FGF6: variants seen among roughly 807,000 people sequenced by gnomAD.
FGF6 encodes FGF-6.
FGF6 carries 14 observed loss-of-function variants against 18.4 expected under a neutral mutation model. The ratio of observed to expected loss-of-function variants is 0.76; its 90% CI spans 0.50 to 1.19. The LOEUF (loss-of-function observed/expected upper bound fraction) is 1.19. Ranked by LOEUF, FGF6 falls within the 50% of genes most tolerant of loss-of-function variation. The pLI, the probability that FGF6 is intolerant of heterozygous loss-of-function variation, is 0.00. For synonymous variants in FGF6, 125 were observed against 116.7 expected (o/e 1.07, Z -0.46); for missense variants, 266 against 271.6 (o/e 0.98, Z 0.15).
rs762223929 is a variant in FGF6 at position 4,444,148 on chromosome 12, T to G, written c.435A>C (p.Gly145=). Residue 145 remains glycine (G), a synonymous_variant, in exon 2 of 3, where the codon GGA becomes GGC. Coordinates refer to ENST00000228837, the MANE Select transcript of FGF6 (RefSeq NM_020996.3). ...SALFVAMNSK[G]RLYATPSFQE... ...GTGAACTCACCGTTGCGTACAATCT[T>G]CCTTTACTGTTCATGGCAACGAAGA... 5 of 1,612,406 alleles carry G rather than the reference T, an allele frequency of 3.1e-6. No homozygotes were observed. The highest frequency in any genetic ancestry group is 4.2e-6 in the Non-Finnish European group (5 of 1,178,528).
At position 4,445,405 on chromosome 12, in the gene FGF6, T is replaced by G. The variant is rs1321896007; in HGVS notation, c.166A>C (p.Thr56Pro). ...NTLLDSRGWG[T>P]LLSRSRAGLA... ...CCGGCGCGAGACCTGGACAGCAGGG[T>G]GCCCCAGCCCCTCGAGTCCAGCAGC... Residue 56 changes from threonine to proline, a missense_variant, in exon 1 of 3, where the codon ACC (threonine) becomes CCC (proline). By Grantham distance (38) the Thr-to-Pro change is conservative. Coordinates refer to ENST00000228837, the MANE Select transcript of FGF6 (RefSeq NM_020996.3). This position sits in a 1 kb window ranked among gnomAD's most constrained non-coding sequence, Gnocchi z 5.5. The G allele has an allele frequency of 6.2e-7, 1 of 1,613,552 alleles. No homozygotes were observed. Among genetic ancestry groups the G allele is most frequent in the Non-Finnish European group, 8.5e-7 (1 of 1,179,976 alleles).
rs1482428485 is a variant in FGF6, at chr12:4,434,323, T to G, written c.519A>C (p.Ser173=). The change falls in exon 3 of 3, where the codon TCA becomes TCC. Residue 173 remains serine (S), a synonymous_variant. Coordinates refer to ENST00000228837, the MANE Select transcript of FGF6 (RefSeq NM_020996.3). The part of the protein sequence containing the change: ...LLPNNYNAYE[S]DLYQGTYIAL... ...CAATGTAGGTCCCTTGGTACAAGTCTGACTCGTAGGCATTGTAATTGTTGG... is the reference window on the plus strand; with the variant it reads ...CAATGTAGGTCCCTTGGTACAAGTCGGACTCGTAGGCATTGTAATTGTTGG... 3.7e-6 allele frequency: 6 copies of G among 1,614,086 alleles called. No individual in the cohort carries two copies. In the African/African-American group the frequency reaches 8.0e-5, roughly 22 times the overall value.
intron 2 of FGF6, among the ~76,000 whole-genome samples, chr12:4,435,502 T>C (rs565163609): frequency 1.7e-4 from 26 of 152,186 alleles, no homozygotes; most frequent in African/African-American, 5.8e-4. Flanking sequence ...ATGAAACTGG[T>C]CCCTGGTGCC....
chr12:4,440,047 G>GC (rs1366606677), intron 2 of FGF6, among the ~76,000 whole-genome samples: 4 of 152,174 alleles, frequency 2.6e-5, no homozygotes, highest in Non-Finnish European at 4.4e-5. Flanking sequence ...GGGAATGTTG[G>GC]CCCCTCAGCT....
At chr12:4,436,142 C>G (rs1487596878) in intron 2 of FGF6, among the ~76,000 whole-genome samples, 2 of 152,140 alleles carry the variant, frequency 1.3e-5, no homozygotes, top group Non-Finnish European at 2.9e-5. Flanking sequence ...ACGAGAACCT[C>G]TTGCTGTTCT....
At chr12:4,436,858 A>G (rs1865634655) in intron 2 of FGF6, among the ~76,000 whole-genome samples, 1 of 152,262 alleles carries the variant, frequency 6.6e-6, no homozygotes, top group Non-Finnish European at 1.5e-5. Flanking sequence ...AGCCATGTCA[A>G]CAGGTTAATG....
chr12:4,440,034 C>T (rs546162634), intron 2 of FGF6, among the ~76,000 whole-genome samples: 5 of 152,190 alleles, frequency 3.3e-5, no homozygotes, highest in Non-Finnish European at 7.3e-5. Flanking sequence ...GTTCTCATGG[C>T]TTGGGAATGT....
chr12:4,437,948 A>G (rs1865644041), intron 2 of FGF6, among the ~76,000 whole-genome samples: 1 of 152,194 alleles, frequency 6.6e-6, no homozygotes. Context: ...TTTAAAAAGT[A>G]ATAAATTGTC....
chr12:4,444,333 A>AAT, intron 1 of FGF6, 97 bp from the exon 2 acceptor site: 1 of 781,578 alleles, frequency 1.3e-6, no homozygotes, highest in Non-Finnish European at 2.2e-6. Context: ...CCCTTCTCCT[A>AAT]GAAAGCCAGA....
At chr12:4,438,418 C>T (rs1226504867) in intron 2 of FGF6, among the ~76,000 whole-genome samples, 3 of 152,112 alleles carry the variant, frequency 2.0e-5, no homozygotes, top group Non-Finnish European at 2.9e-5. Context: ...TTCCCACACA[C>T]GCACAAAAGT....
At position 4,445,403 on chromosome 12, in the gene FGF6, G is replaced by A. The variant is rs1865750707; in HGVS notation, c.168C>T (p.Thr56=). The part of the protein sequence containing the change: ...NTLLDSRGWG[T]LLSRSRAGLA... ...GCCCGGCGCGAGACCTGGACAGCAG[G>A]GTGCCCCAGCCCCTCGAGTCCAGCA... Residue 56 remains threonine, a synonymous_variant, in exon 1 of 3, where the codon ACC becomes ACT. Transcript: ENST00000228837. This position sits in a 1 kb window ranked among gnomAD's most constrained non-coding sequence, Gnocchi z 5.5. The A allele has an allele frequency of 6.2e-7, 1 of 1,613,484 alleles. No homozygotes were observed. Among genetic ancestry groups the A allele is most frequent in the Non-Finnish European group, 8.5e-7 (1 of 1,180,004 alleles).
chr12:4,445,534 G>A lies in FGF6; in HGVS notation c.37C>T (p.Arg13Trp), dbSNP rs771915903. Residue 13 changes from arginine (R) to tryptophan (W), a missense_variant, in exon 1 of 3, where the codon CGG (arginine) becomes TGG (tryptophan). By Grantham distance (101) the Arg-to-Trp change is moderately radical (BLOSUM62 -3). Coordinates refer to ENST00000228837, the MANE Select transcript of FGF6 (RefSeq NM_020996.3). The surrounding 1 kb of genome is among the most constrained non-coding windows in gnomAD (Gnocchi z 5.5). ...GTGCCCTGCAGACGTCCTGCTCCCC[G>A]GGACATAGTGATGAACAGTTTCTGT... ...LGQKLFITMS[R>W]GAGRLQGTLW... is the part of the protein sequence containing the mutation. 1.4e-5 allele frequency: 23 copies of A among 1,608,076 alleles called. No individual in the cohort carries two copies. The highest frequency in any genetic ancestry group is 1.3e-4 in the African/African-American group (10 of 74,882).
At chr12:4,444,788 T>C (rs1439078878) in intron 1 of FGF6, among the ~76,000 whole-genome samples, 8 of 152,038 alleles carry the variant, frequency 5.3e-5, no homozygotes, top group Admixed American at 5.2e-4. Context: ...GCCGCTGAAA[T>C]AAAAAGAAGG....
intron 2 of FGF6, 95 bp downstream of exon 2, chr12:4,444,038 A>G (rs1361091498): frequency 1.3e-6 from 1 of 763,214 alleles, no homozygotes; most frequent in Non-Finnish European, 2.2e-6. Context: ...CCATTTAGAT[A>G]GTCACTTCTC....
In FGF6 at chr12:4,445,647, A is replaced by T; in HGVS notation, c.-77T>A. 8.1e-7 allele frequency: 1 copy of T among 1,227,248 alleles called. No individual in the cohort carries two copies. Among genetic ancestry groups the T allele is most frequent in the Admixed American group, 2.6e-5 (1 of 38,096 alleles). 76.0% of individuals were successfully genotyped at this position (1,227,248 alleles called of 1,614,324 possible). On this transcript the variant is annotated 5_prime_UTR_variant, in exon 1 of 3. An upstream start codon of the reference 5' UTR is lost. Coordinates refer to ENST00000228837, the MANE Select transcript of FGF6 (RefSeq NM_020996.3). The surrounding 1 kb of genome is among the most constrained non-coding windows in gnomAD (Gnocchi z 5.5). ...CCCTTCTTGTTTTTCTCCCTCCGGC[A>T]TGGCGGCAGGGGCTTATTTTTGGAA...
intron 2 of FGF6, among the ~76,000 whole-genome samples, chr12:4,442,239 G>T (rs1162777477): frequency 6.6e-6 from 1 of 151,924 alleles, no homozygotes; most frequent in Non-Finnish European, 1.5e-5. Flanking sequence ...GGGTGGGGTG[G>T]TGGGTTTCAG....
chr12:4,434,348 G>A lies in FGF6; in HGVS notation c.494C>T (p.Pro165Leu), dbSNP rs780317311. ...TGACTCGTAGGCATTGTAATTGTTG[G>A]GCAGGAGGGTTTCTCTGAACTTGCA... ...EECKFRETLL[P>L]NNYNAYESDL... The change falls in exon 3 of 3, where the codon CCC (proline) becomes CTC (leucine). Residue 165 changes from proline to leucine, a missense_variant. Coordinates refer to ENST00000228837, the MANE Select transcript of FGF6 (RefSeq NM_020996.3). The A allele has an allele frequency of 4.3e-6, 7 of 1,614,128 alleles. No homozygotes were observed. Among genetic ancestry groups the A allele is most frequent in the Non-Finnish European group, 5.9e-6 (7 of 1,180,030 alleles).
At position 4,445,064 on chromosome 12, in the gene FGF6, G is replaced by T. The variant is rs1163550020; in HGVS notation, c.346+161C>A. Among the ~76,000 whole-genome samples, 1 of 152,182 alleles carries T rather than the reference G, an allele frequency of 6.6e-6. No homozygotes were observed. The highest frequency in any genetic ancestry group is 6.5e-5 in the Admixed American group (1 of 15,286). On this transcript the variant is annotated intron_variant, in intron 1 of 2. Coordinates refer to ENST00000228837, the MANE Select transcript of FGF6 (RefSeq NM_020996.3). The surrounding 1 kb of genome is among the most constrained non-coding windows in gnomAD (Gnocchi z 5.5). ...GGATGCTTGGACCGCAGTATATTGAGCTTGCACCCAGGCAGGGTCACGTGG... is the reference window on the plus strand; with the variant it reads ...GGATGCTTGGACCGCAGTATATTGATCTTGCACCCAGGCAGGGTCACGTGG...
In FGF6 at chr12:4,437,174, G is replaced by C. The variant is rs145346490; in HGVS notation, c.451-2783C>G. Among the ~76,000 whole-genome samples the C allele has an allele frequency of 8.7e-3, 1,325 of 151,438 alleles. 6 individuals are homozygous for C. The highest frequency in any genetic ancestry group is 0.024 in the Middle Eastern group (7 of 294). ...TAAGCATTAATTGAAATTATGCATG[G>C]AAAGTCCTGGGAACAATGCTTGCTA... is the stretch of plus-strand genomic sequence containing the variant. On this transcript the variant is annotated intron_variant, in intron 2 of 2. Transcript: ENST00000228837.
Sources: allele counts gnomAD v4.1 joint callset (sites outside exome capture counted in the v4.1 genomes callset), GRCh38; gene constraint gnomAD v4.1.1; non-coding constraint Gnocchi (gnomAD v3.1); transcripts MANE v1.5; gene names NCBI Gene and HGNC (gene_info 2026-07-23, HGNC 2026-07-21).